The following NGF variants were observed in gnomAD, a reference collection of about 807,000 sequenced individuals.
The protein encoded by NGF is beta-nerve growth factor.
A neutral mutation model predicts 12.8 loss-of-function variants in NGF; 4 were observed. The observed-to-expected ratio is 0.31, with a 90% confidence interval of 0.15 to 0.72. NGF has a LOEUF of 0.72. Ranked by LOEUF, NGF falls within the 30% of genes least tolerant of loss-of-function variation. The probability of loss-of-function intolerance (pLI) is 0.69; values close to 1 mark genes in which losing one functional copy is unlikely to be tolerated. For synonymous variants in NGF, 140 were observed against 130.0 expected, an observed-to-expected ratio of 1.08 and a Z score of -0.52; for missense variants, 283 against 330.8, an observed-to-expected ratio of 0.86 and a Z score of 1.12.
intron 1 of NGF, among the ~76,000 whole-genome samples, chr1:115,299,355 G>C (rs748707701): frequency 3.3e-5 from 5 of 152,214 alleles, no homozygotes; most frequent in Non-Finnish European, 7.3e-5. Flanking sequence ...GAGTCAGACA[G>C]CTGTAGGTAG....
intron 1 of NGF, among the ~76,000 whole-genome samples, chr1:115,307,758 C>T (rs1027939881): frequency 7.9e-5 from 12 of 152,226 alleles, no homozygotes; most frequent in African/African-American, 2.9e-4. Context: ...CCAGTGATAA[C>T]ATTGCCTTGG....
intron 1 of NGF, among the ~76,000 whole-genome samples, chr1:115,299,561 T>C (rs542551108): frequency 6.6e-6 from 1 of 152,286 alleles, no homozygotes; most frequent in South Asian, 2.1e-4. Flanking sequence ...ATTAATGTGG[T>C]GGAAGATAAG....
chr1:115,291,647 T>A (rs1043524031), intron 2 of NGF, among the ~76,000 whole-genome samples: 11 of 152,204 alleles, frequency 7.2e-5, no homozygotes, highest in Non-Finnish European at 7.3e-5. Context: ...CCTCTTGCCC[T>A]CTTCTGAACC....
At chr1:115,317,337 G>A (rs1424704411) in intron 1 of NGF, among the ~76,000 whole-genome samples, 1 of 152,186 alleles carries the variant, frequency 6.6e-6, no homozygotes, top group South Asian at 2.1e-4. Flanking sequence ...TGGAAAGTTA[G>A]TCTGCAGAAG....
At chr1:115,287,913 C>G (rs1653565354) in intron 2 of NGF, among the ~76,000 whole-genome samples, 1 of 152,212 alleles carries the variant, frequency 6.6e-6, no homozygotes, top group African/African-American at 2.4e-5. Context: ...TCTCACTGGC[C>G]TCCGCGGAGC....
At position 115,288,050 on chromosome 1, in the gene NGF, C is replaced by T. The variant is rs536778620; in HGVS notation, c.-12-1243G>A. 9.2e-5 allele frequency among the ~76,000 whole-genome samples: 14 copies of T among 152,324 alleles called. No individual in the cohort carries two copies. The South Asian group carries it at 1.9e-3, about 20-fold the overall frequency. ...ACAAACTTCCAATTCTATCCTTTCT[C>T]CCATCTCTCCTTCCCACTCTTATGG... On this transcript the variant is annotated intron_variant, in intron 2 of 2. Coordinates refer to ENST00000369512, the MANE Select transcript of NGF (RefSeq NM_002506.3).
chr1:115,293,226 C>G (rs1331597208), intron 2 of NGF, among the ~76,000 whole-genome samples: 1 of 152,082 alleles, frequency 6.6e-6, no homozygotes, highest in Non-Finnish European at 1.5e-5. Context: ...AGATTTGGAA[C>G]TCTTCCCTAC....
chr1:115,292,949 G>A (rs746221944), intron 2 of NGF, among the ~76,000 whole-genome samples: 2 of 151,964 alleles, frequency 1.3e-5, no homozygotes, highest in Non-Finnish European at 1.5e-5. Context: ...CTGGGCTCTC[G>A]GAGGGCAGCT....
intron 1 of NGF, among the ~76,000 whole-genome samples, chr1:115,334,984 T>C (rs1364434817): frequency 6.6e-6 from 1 of 152,172 alleles, no homozygotes; most frequent in Non-Finnish European, 1.5e-5. Flanking sequence ...TTACCCAAAA[T>C]ATAGGAGAAG....
intron 1 of NGF, among the ~76,000 whole-genome samples, chr1:115,310,228 T>C (rs1654303390): frequency 1.3e-5 from 2 of 152,150 alleles, no homozygotes; most frequent in Non-Finnish European, 2.9e-5. Flanking sequence ...TGGAAGTAAA[T>C]ATGTAAAATG....
At chr1:115,310,387 G>C (rs1289056529) in intron 1 of NGF, among the ~76,000 whole-genome samples, 1 of 152,084 alleles carries the variant, frequency 6.6e-6, no homozygotes, top group Non-Finnish European at 1.5e-5. Context: ...AATCCTTCAG[G>C]TTTAGGACTA....
rs1653502716 is a variant in NGF, at chr1:115,286,382, A to G, written c.414T>C (p.Ser138=). The change falls in exon 3 of 3, where the codon AGT becomes AGC. Residue 138 remains serine (S), a synonymous_variant. Coordinates refer to ENST00000369512, the MANE Select transcript of NGF (RefSeq NM_002506.3). ...FHRGEFSVCD[S]VSVWVGDKTT... ...TCTTATCCCCAACCCACACGCTGAC[A>G]CTGTCACACACCGAGAATTCGCCCC... is the stretch of plus-strand genomic sequence containing the variant. The G allele has an allele frequency of 6.2e-7, 1 of 1,613,892 alleles. No individual in the cohort carries two copies. Among genetic ancestry groups the G allele is most frequent in the East Asian group, 2.2e-5 (1 of 44,858 alleles).
intron 2 of NGF, among the ~76,000 whole-genome samples, chr1:115,289,487 G>C (rs1571072112): frequency 6.6e-6 from 1 of 152,082 alleles, no homozygotes; most frequent in South Asian, 2.1e-4. Context: ...CGAAATTTCT[G>C]TGCAATTGAC....
intron 2 of NGF, 55 bp from the exon 3 acceptor site, chr1:115,286,862 G>T (rs1253907978): frequency 6.2e-7 from 1 of 1,606,836 alleles, no homozygotes. Flanking sequence ...GCAGTCAAAA[G>T]GCAGTTTCTG....
At chr1:115,318,047 G>A (rs1230176112) in intron 1 of NGF, among the ~76,000 whole-genome samples, 2 of 152,102 alleles carry the variant, frequency 1.3e-5, no homozygotes, top group African/African-American at 2.4e-5. Flanking sequence ...GGACCCCACT[G>A]TATATGCTCT....
At chr1:115,294,755 G>A (rs879598973) in intron 1 of NGF, among the ~76,000 whole-genome samples, 2 of 152,256 alleles carry the variant, frequency 1.3e-5, no homozygotes, top group African/African-American at 2.4e-5. Context: ...GCAAGAACAA[G>A]TGCAAAGGCC....
At position 115,286,588 on chromosome 1, in the gene NGF, T is replaced by C. The variant is rs768794852; in HGVS notation, c.208A>G (p.Ile70Val). The change falls in exon 3 of 3, where the codon ATT (isoleucine) becomes GTT (valine). Residue 70 changes from isoleucine (I) to valine (V), a missense_variant. Coordinates refer to ENST00000369512, the MANE Select transcript of NGF (RefSeq NM_002506.3). The stretch of plus-strand genomic sequence containing the variant: ...TTAAACAGCCTGGGGTCCACAGTAA[T>C]GTTGCGGGTCTGCCCCGCCACGCGT... ...AARVAGQTRN[I>V]TVDPRLFKKR... 32 of 1,614,048 alleles carry C rather than the reference T, an allele frequency of 2.0e-5. 1 individual carries two copies. The South Asian group carries it at 3.4e-4, about 17-fold the overall frequency.
At chr1:115,337,256 G>GTTTTTTTTTTTTTTTTTTTTTT (rs1364127314) in intron 1 of NGF, among the ~76,000 whole-genome samples, 2 of 27,200 alleles carry the variant, frequency 7.4e-5, no homozygotes, top group African/African-American at 3.3e-4. Flanking sequence ...AATTTTTTTT[G>GTTTTTTTTTTTTTTTTTTTTTT]TTTTGTTTTT....
chr1:115,321,608 G>C (rs1029299295), intron 1 of NGF, among the ~76,000 whole-genome samples: 2 of 149,110 alleles, frequency 1.3e-5, no homozygotes, highest in East Asian at 3.9e-4. Context: ...GTGTGTGTGT[G>C]TGTGTGTGTG....
Sources: allele counts gnomAD v4.1 joint callset (sites outside exome capture counted in the v4.1 genomes callset), GRCh38; gene constraint gnomAD v4.1.1; transcripts MANE v1.5; gene names NCBI Gene and HGNC (gene_info 2026-07-23, HGNC 2026-07-21).